The following CSGALNACT1 variants were observed in gnomAD, a reference collection of about 807,000 sequenced individuals.
CSGALNACT1 encodes the protein chondroitin sulfate N-acetylgalactosaminyltransferase 1, also known as beta4GalNAcT-1.
CSGALNACT1 carries 52 observed loss-of-function variants against 51.0 expected under a neutral mutation model. That is an observed-to-expected ratio of 1.02 (90% CI 0.82 to 1.29). CSGALNACT1 has a LOEUF of 1.29. Ranked by LOEUF, CSGALNACT1 falls within the 50% of genes most tolerant of loss-of-function variation. The pLI, the probability that CSGALNACT1 is intolerant of heterozygous loss-of-function variation, is 0.00. For missense variants in CSGALNACT1, 935 were observed against 679.2 expected (o/e 1.38, Z -4.19); for synonymous variants, 341 against 254.4 (o/e 1.34, Z -3.24).
At chr8:19,662,851 C>T (rs1038818054) in intron 1 of CSGALNACT1, among the ~76,000 whole-genome samples, 8 of 152,156 alleles carry the variant, frequency 5.3e-5, no homozygotes, top group African/African-American at 1.7e-4. Context: ...TATTCTCCCC[C>T]CATTCAGGAG....
chr8:19,677,087 A>C (rs528431494), intron 1 of CSGALNACT1, among the ~76,000 whole-genome samples: 3 of 150,442 alleles, frequency 2.0e-5, no homozygotes, highest in Non-Finnish European at 3.0e-5. Context: ...ACCAGAAGCT[A>C]AACAGAGGTG....
intron 1 of CSGALNACT1, among the ~76,000 whole-genome samples, chr8:19,703,963 G>C (rs1396810924): frequency 6.6e-6 from 1 of 152,136 alleles, no homozygotes; most frequent in Non-Finnish European, 1.5e-5. Context: ...CCTGAGAGCT[G>C]TCAGACCCTT....
chr8:19,417,522 G>T (rs556383272), intron 8 of CSGALNACT1, among the ~76,000 whole-genome samples: 1 of 152,190 alleles, frequency 6.6e-6, no homozygotes, highest in Non-Finnish European at 1.5e-5. Context: ...CAGAACATGG[G>T]TTTTGGATGG....
At chr8:19,468,518 C>T (rs1459458901) in intron 4 of CSGALNACT1, among the ~76,000 whole-genome samples, 1 of 151,892 alleles carries the variant, frequency 6.6e-6, no homozygotes, top group African/African-American at 2.4e-5. Context: ...CACCTTAGAG[C>T]AGTGTGGGGC....
rs561196332 is a variant in CSGALNACT1 at position 19,507,128 on chromosome 8, G to T, written c.-296-998C>A. ...GGTAACACATCCAGAAGGGATCAGG[G>T]GACAATGGTTCCAGCTAACTCTTTG... On this transcript the variant is annotated intron_variant, in intron 3 of 9. Coordinates refer to ENST00000454498, the Ensembl canonical transcript of CSGALNACT1. Among the ~76,000 whole-genome samples the T allele has an allele frequency of 5.3e-4, 80 of 152,254 alleles. 1 individual carries two copies. Among genetic ancestry groups the T allele is most frequent in the Middle Eastern group, 6.8e-3 (2 of 294 alleles).
chr8:19,452,257 G>A (rs2063311362), intron 5 of CSGALNACT1, among the ~76,000 whole-genome samples: 1 of 152,184 alleles, frequency 6.6e-6, no homozygotes. Flanking sequence ...GGCAGCCTGG[G>A]GGACCTAGGG....
chr8:19,580,488 T>C (rs994024126), intron 3 of CSGALNACT1, among the ~76,000 whole-genome samples: 6 of 152,186 alleles, frequency 3.9e-5, no homozygotes, highest in African/African-American at 1.4e-4. Context: ...CAGACTAACT[T>C]GAAACTTCAC....
intron 1 of CSGALNACT1, among the ~76,000 whole-genome samples, chr8:19,617,629 G>C (rs1342795030): frequency 6.6e-6 from 1 of 152,168 alleles, no homozygotes; most frequent in African/African-American, 2.4e-5. Context: ...AATGTGCCAA[G>C]TGCCCCAGGA....
intron 5 of CSGALNACT1, among the ~76,000 whole-genome samples, chr8:19,456,504 T>C (rs1420139487): frequency 1.3e-5 from 2 of 152,226 alleles, no homozygotes; most frequent in South Asian, 4.1e-4. Context: ...GTTCAACAAC[T>C]GCATTCAGAA....
intron 1 of CSGALNACT1, among the ~76,000 whole-genome samples, chr8:19,659,640 A>C (rs1160547686): frequency 2.0e-5 from 3 of 152,232 alleles, no homozygotes; most frequent in Non-Finnish European, 4.4e-5. Flanking sequence ...GTATCAGCTT[A>C]AATTCTCATC....
exon 1 of CSGALNACT1, chr8:19,602,305 T>C (rs1238384036): frequency 6.5e-6 from 1 of 152,878 alleles, no homozygotes; most frequent in Non-Finnish European, 1.5e-5. Context: ...GCAAGGACTG[T>C]GTTCAGCGCC....
intron 2 of CSGALNACT1, among the ~76,000 whole-genome samples, chr8:19,595,249 T>A (rs373591993): frequency 6.6e-6 from 1 of 152,216 alleles, no homozygotes; most frequent in South Asian, 2.1e-4. Context: ...GTAAAGGTTA[T>A]CCCTTTAGAG....
intron 4 of CSGALNACT1, among the ~76,000 whole-genome samples, chr8:19,492,773 T>A (rs2074630425): frequency 6.6e-6 from 1 of 152,200 alleles, no homozygotes; most frequent in Non-Finnish European, 1.5e-5. Flanking sequence ...ACTACTGATA[T>A]CGTATTTAAA....
intron 5 of CSGALNACT1, among the ~76,000 whole-genome samples, chr8:19,456,360 T>A (rs563985630): frequency 3.9e-4 from 60 of 152,234 alleles, no homozygotes; most frequent in African/African-American, 1.4e-3. Context: ...GAATCAAAGC[T>A]CAGGACCCTG....
At chr8:19,610,568 G>C (rs935174521) in intron 1 of CSGALNACT1, among the ~76,000 whole-genome samples, 1 of 152,110 alleles carries the variant, frequency 6.6e-6, no homozygotes, top group Non-Finnish European at 1.5e-5. Flanking sequence ...ACAACCACAG[G>C]AACGCACCGG....
chr8:19,656,591 GCC>G (rs750379318), intron 1 of CSGALNACT1, among the ~76,000 whole-genome samples: 86 of 83,876 alleles, frequency 1.0e-3, no homozygotes, highest in Middle Eastern at 8.2e-3. Flanking sequence ...GAGAAACTAC[GCC>G]CCCCCCCCAC....
chr8:19,730,164 G>T (rs1358399671), intron 1 of CSGALNACT1, among the ~76,000 whole-genome samples: 1 of 152,126 alleles, frequency 6.6e-6, no homozygotes, highest in East Asian at 1.9e-4. Flanking sequence ...CTCATTCCTT[G>T]AGAAATGCAA....
At chr8:19,732,650 T>C (rs1000750944) in intron 1 of CSGALNACT1, 2 of 152,272 alleles carry the variant, frequency 1.3e-5, no homozygotes, top group East Asian at 1.9e-4. Flanking sequence ...TAAAACAACA[T>C]ACAGAGAAGT....
At chr8:19,414,845 A>T (rs548832166) in intron 8 of CSGALNACT1, among the ~76,000 whole-genome samples, 1 of 152,352 alleles carries the variant, frequency 6.6e-6, no homozygotes, top group East Asian at 1.9e-4. Flanking sequence ...GCTATCAAGG[A>T]TGTAGTAATT....
Sources: allele counts gnomAD v4.1 joint callset (sites outside exome capture counted in the v4.1 genomes callset), GRCh38; gene constraint gnomAD v4.1.1; transcripts MANE v1.5; gene names NCBI Gene and HGNC (gene_info 2026-07-23, HGNC 2026-07-21).